BMPR2: variants seen among roughly 807,000 people sequenced by gnomAD.
BMPR2 encodes bone morphogenetic protein receptor type 2, also known as bone morphogenetic protein receptor type-2.
In BMPR2, 29 loss-of-function variants were observed where a neutral mutation model predicts 100.8. The ratio of observed to expected loss-of-function variants is 0.29; its 90% confidence interval spans 0.21 to 0.39. The LOEUF (loss-of-function observed/expected upper bound fraction) is 0.39. Among genes scored for constraint, BMPR2 ranks in the 10% least tolerant of loss-of-function variants. BMPR2 has a pLI of 1.00. For synonymous variants in BMPR2, 382 were observed against 442.3 expected (o/e 0.86, Z 1.71); for missense variants, 1,011 against 1,274.5 (o/e 0.79, Z 3.15).
intron 1 of BMPR2, among the ~76,000 whole-genome samples, chr2:202,384,244 CTG>C (rs1407270158): frequency 6.6e-6 from 1 of 152,206 alleles, no homozygotes; most frequent in Non-Finnish European, 1.5e-5. Context: ...ATGCCCAACA[CTG>C]TACCTTAACC....
intron 1 of BMPR2, among the ~76,000 whole-genome samples, chr2:202,411,237 T>C (rs966861775): frequency 1.3e-5 from 2 of 152,168 alleles, no homozygotes; most frequent in Admixed American, 6.6e-5. Context: ...TGGTGACACA[T>C]TGACATCTGT....
chr2:202,534,656 A>G (rs957130988), intron 9 of BMPR2, among the ~76,000 whole-genome samples: 1 of 152,162 alleles, frequency 6.6e-6, no homozygotes, highest in African/African-American at 2.4e-5. Flanking sequence ...TCCCATGTCT[A>G]CTTCTTTCTA....
At chr2:202,504,345 T>C (rs1687473460) in intron 3 of BMPR2, among the ~76,000 whole-genome samples, 1 of 152,068 alleles carries the variant, frequency 6.6e-6, no homozygotes. Context: ...GCTTCACTCC[T>C]GAAGCCAGCG....
intron 7 of BMPR2, among the ~76,000 whole-genome samples, chr2:202,530,351 C>T (rs1687998924): frequency 6.6e-6 from 1 of 152,088 alleles, no homozygotes; most frequent in African/African-American, 2.4e-5. Context: ...AATGTGCTGT[C>T]ACAGATTTGA....
At chr2:202,384,957 C>T (rs1290170551) in intron 1 of BMPR2, among the ~76,000 whole-genome samples, 1 of 151,970 alleles carries the variant, frequency 6.6e-6, no homozygotes, top group African/African-American at 2.4e-5. Flanking sequence ...AGTAGTTTGC[C>T]CTTATAATTG....
At chr2:202,475,470 A>C (rs1249306658) in intron 3 of BMPR2, among the ~76,000 whole-genome samples, 1 of 152,230 alleles carries the variant, frequency 6.6e-6, no homozygotes, top group Non-Finnish European at 1.5e-5. Context: ...GAGAAATATA[A>C]GGTTGCATCC....
chr2:202,410,057 T>G (rs1259108403), intron 1 of BMPR2, among the ~76,000 whole-genome samples: 1 of 151,980 alleles, frequency 6.6e-6, no homozygotes, highest in East Asian at 1.9e-4. Context: ...CGGTCTTGGC[T>G]TACTGCACTC....
At chr2:202,558,070 G>A (rs1441132187) in intron 12 of BMPR2, among the ~76,000 whole-genome samples, 1 of 152,134 alleles carries the variant, frequency 6.6e-6, no homozygotes, top group South Asian at 2.1e-4. Flanking sequence ...TGTAATCCCA[G>A]TGCTGTGGAA....
intron 1 of BMPR2, among the ~76,000 whole-genome samples, chr2:202,388,011 G>C (rs1234546073): frequency 6.6e-6 from 1 of 152,080 alleles, no homozygotes. Flanking sequence ...AAACCAATGT[G>C]TTAGCTTGAT....
intron 1 of BMPR2, among the ~76,000 whole-genome samples, chr2:202,414,475 T>A (rs562060767): frequency 9.2e-5 from 14 of 152,310 alleles, no homozygotes; most frequent in Admixed American, 6.5e-4. Flanking sequence ...AAGCTAAAAA[T>A]GATTAGGCTT....
At position 202,556,127 on chromosome 2, in the gene BMPR2, C is replaced by T. The variant is rs1319282096; in HGVS notation, c.2462C>T (p.Ala821Val). Residue 821 changes from alanine (A) to valine (V), a missense_variant, in exon 12 of 13, where the codon GCC becomes GTC. By Grantham distance (64) the Ala-to-Val change is moderately conservative. Transcript: ENST00000374580. ...AACCACAGTGTTAACTCCCATGCTG[C>T]CACAACCCAATATGCCAATGGGACA... is the stretch of plus-strand genomic sequence containing the variant. ...GRNHSVNSHA[A>V]TTQYANGTVL... 1.9e-6 allele frequency: 3 copies of T among 1,613,898 alleles called. No individual in the cohort carries two copies. In the African/African-American group the frequency reaches 4.0e-5, roughly 22 times the overall value.
chr2:202,456,952 T>C (rs1692121031), intron 1 of BMPR2, among the ~76,000 whole-genome samples: 1 of 152,164 alleles, frequency 6.6e-6, no homozygotes, highest in Non-Finnish European at 1.5e-5. Context: ...TAGTGTGAAC[T>C]CTCCTAATAA....
rs1179856090 is a variant in BMPR2, at chr2:202,377,004, C to CG, written c.-468dup. On this transcript the variant is annotated 5_prime_UTR_variant, in exon 1 of 13. The change abolishes the stop of an existing upstream ORF in the 5' untranslated region. Coordinates refer to ENST00000374580, the MANE Select transcript of BMPR2 (RefSeq NM_001204.7). ...CCGCGGGCGATGCGACTAGGGCTGC[C>CG]GGGCGCCGCCGCCGCCCGTCCGGCT... The CG allele has an allele frequency of 8.6e-6, 4 of 465,802 alleles. No individual in the cohort carries two copies. Among genetic ancestry groups the CG allele is most frequent in the Non-Finnish European group, 1.5e-5 (4 of 266,708 alleles). The allele number at this position is 465,802 out of a possible 1,614,324, so 28.9% of individuals were successfully genotyped here. A position where few individuals can be genotyped will look rare whatever the true frequency, so the allele number is the denominator to read the frequency against.
At chr2:202,433,436 T>G (rs963101988) in intron 1 of BMPR2, among the ~76,000 whole-genome samples, 1 of 150,654 alleles carries the variant, frequency 6.6e-6, no homozygotes, top group Non-Finnish European at 1.5e-5. Flanking sequence ...GACATCAGTT[T>G]GAAAAAAGCT....
At chr2:202,553,597 A>G (rs1440731245) in intron 11 of BMPR2, among the ~76,000 whole-genome samples, 1 of 152,134 alleles carries the variant, frequency 6.6e-6, no homozygotes, top group Non-Finnish European at 1.5e-5. Context: ...ACTTTCAGAA[A>G]GGCATCCAGG....
chr2:202,528,655 A>C (rs187246689), intron 7 of BMPR2, among the ~76,000 whole-genome samples: 1 of 152,344 alleles, frequency 6.6e-6, no homozygotes, highest in East Asian at 1.9e-4. Context: ...AGTTGGCCAA[A>C]TCATCCAATA....
intron 1 of BMPR2, among the ~76,000 whole-genome samples, chr2:202,380,632 T>C (rs1025335013): frequency 1.3e-4 from 19 of 151,324 alleles, no homozygotes; most frequent in Admixed American, 4.6e-4. Context: ...TTCTTTCTTT[T>C]TTTTTTTTTT....
At position 202,431,133 on chromosome 2, in the gene BMPR2, G is replaced by T. The variant is rs114868464; in HGVS notation, c.77-33676G>T. 6.6e-3 allele frequency among the ~76,000 whole-genome samples: 1,002 copies of T among 150,684 alleles called. 114 individuals are homozygous for T. Among genetic ancestry groups the T allele is most frequent in the African/African-American group, 0.024 (959 of 40,056 alleles). On this transcript the variant is annotated intron_variant, in intron 1 of 12. Transcript: ENST00000374580. Reference sequence around the variant, plus strand: ...GCTACTTCATTAAGATTTTGGGAAAGAAATTTTAAGTAACAGTTTAATGTT... The same window carrying T: ...GCTACTTCATTAAGATTTTGGGAAATAAATTTTAAGTAACAGTTTAATGTT...
At chr2:202,458,314 A>T (rs534044314) in intron 1 of BMPR2, among the ~76,000 whole-genome samples, 2 of 146,098 alleles carry the variant, frequency 1.4e-5, no homozygotes, top group African/African-American at 5.0e-5. Context: ...AAAAACGCAC[A>T]CAAAAATTAG....
Sources: allele counts gnomAD v4.1 joint callset (sites outside exome capture counted in the v4.1 genomes callset), GRCh38; gene constraint gnomAD v4.1.1; transcripts MANE v1.5; gene names NCBI Gene and HGNC (gene_info 2026-07-23, HGNC 2026-07-21).